LCLAT1: variants seen among roughly 807,000 people sequenced by gnomAD.
LCLAT1 encodes the protein 1-AGP acyltransferase 8.
A neutral mutation model predicts 30.7 loss-of-function variants in LCLAT1; 11 were observed. That is an observed-to-expected ratio of 0.36 (90% CI 0.23 to 0.59). LCLAT1 has a LOEUF of 0.59. Among genes scored for constraint, LCLAT1 ranks in the 20% least tolerant of loss-of-function variants. The pLI is 0.77. For missense variants in LCLAT1, 402 were observed against 458.6 expected (o/e 0.88, Z 1.13); for synonymous variants, 155 against 151.3 (o/e 1.02, Z -0.18).
intron 5 of LCLAT1, chr2:30,606,966 T>C (rs1168565208): frequency 6.6e-6 from 1 of 152,012 alleles, no homozygotes; most frequent in Non-Finnish European, 1.5e-5. Flanking sequence ...TTTATATGGC[T>C]AATAAACTTA....
intron 1 of LCLAT1, among the ~76,000 whole-genome samples, chr2:30,460,106 A>G (rs1013554586): frequency 1.3e-5 from 2 of 152,184 alleles, no homozygotes; most frequent in African/African-American, 2.4e-5. Context: ...TTTGTTTGAC[A>G]TAGGAGCTTA....
intron 5 of LCLAT1, among the ~76,000 whole-genome samples, chr2:30,610,323 G>T (rs565986160): frequency 9.2e-5 from 14 of 152,126 alleles, no homozygotes; most frequent in African/African-American, 3.4e-4. Flanking sequence ...CATGGTCTCT[G>T]TCTAATCCTG....
At chr2:30,598,803 C>G (rs568764805) in intron 5 of LCLAT1, among the ~76,000 whole-genome samples, 6 of 152,156 alleles carry the variant, frequency 3.9e-5, no homozygotes, top group Non-Finnish European at 8.8e-5. Context: ...ATAAATTTCC[C>G]TCTTAACACT....
chr2:30,506,868 T>A (rs1326418212), intron 1 of LCLAT1, among the ~76,000 whole-genome samples: 2 of 152,142 alleles, frequency 1.3e-5, no homozygotes, highest in Non-Finnish European at 2.9e-5. Context: ...AATTAGCTCA[T>A]AAATATTTCA....
intron 3 of LCLAT1, among the ~76,000 whole-genome samples, chr2:30,546,339 A>C (rs1162444377): frequency 1.3e-5 from 2 of 152,204 alleles, no homozygotes; most frequent in Non-Finnish European, 2.9e-5. Context: ...TGAAATGATT[A>C]GAATTTTATT....
At chr2:30,626,917 T>C (rs1157414941) in intron 5 of LCLAT1, among the ~76,000 whole-genome samples, 2 of 152,196 alleles carry the variant, frequency 1.3e-5, no homozygotes, top group Non-Finnish European at 2.9e-5. Flanking sequence ...TATTTTATTA[T>C]TTATTTTTAT....
intron 3 of LCLAT1, among the ~76,000 whole-genome samples, chr2:30,555,616 G>C (rs1664878013): frequency 6.6e-6 from 1 of 152,044 alleles, no homozygotes; most frequent in Non-Finnish European, 1.5e-5. Flanking sequence ...AAATTTAAAT[G>C]TAAACTAAAC....
intron 1 of LCLAT1, among the ~76,000 whole-genome samples, chr2:30,517,108 C>G (rs1441156292): frequency 6.6e-6 from 1 of 152,208 alleles, no homozygotes; most frequent in East Asian, 1.9e-4. Flanking sequence ...CCTCCTGGGT[C>G]CCAACCACCA....
At chr2:30,522,682 A>G (rs1685534238) in intron 1 of LCLAT1, among the ~76,000 whole-genome samples, 1 of 152,218 alleles carries the variant, frequency 6.6e-6, no homozygotes, top group Admixed American at 6.5e-5. Context: ...AAGGGAAGGA[A>G]TAGAAGTAGG....
intron 3 of LCLAT1, chr2:30,552,595 G>A (rs17009714): frequency 0.045 from 19,705 of 436,672 alleles, 903 homozygotes; most frequent in African/African-American, 0.16. Context: ...AAAAGCCTTC[G>A]TGGAAATTAA....
intron 5 of LCLAT1, among the ~76,000 whole-genome samples, chr2:30,632,374 T>A (rs957694578): frequency 6.6e-6 from 1 of 152,132 alleles, no homozygotes; most frequent in Admixed American, 6.6e-5. Context: ...TTAAAATGTC[T>A]AAGGAGTGAG....
intron 5 of LCLAT1, among the ~76,000 whole-genome samples, chr2:30,617,995 CA>C (rs1206353812): frequency 1.3e-5 from 2 of 152,060 alleles, no homozygotes; most frequent in African/African-American, 4.8e-5. Context: ...TTAATTTTGA[CA>C]AAGTACAGTT....
At chr2:30,557,366 G>GCAC (rs1664973783) in intron 3 of LCLAT1, among the ~76,000 whole-genome samples, 1 of 148,194 alleles carries the variant, frequency 6.7e-6, no homozygotes, top group Non-Finnish European at 1.5e-5. Flanking sequence ...TTTTTTAAAA[G>GCAC]CACCAATCAT....
chr2:30,550,308 A>G (rs1425691192), intron 3 of LCLAT1, among the ~76,000 whole-genome samples: 1 of 152,232 alleles, frequency 6.6e-6, no homozygotes, highest in African/African-American at 2.4e-5. Context: ...ATTTTGGTGC[A>G]ATACTATTAA....
At chr2:30,575,395 C>G (rs1665951713) in intron 5 of LCLAT1, among the ~76,000 whole-genome samples, 2 of 152,004 alleles carry the variant, frequency 1.3e-5, no homozygotes, top group Admixed American at 6.6e-5. Flanking sequence ...TAGTTTGGTA[C>G]AAATTTTTAA....
chr2:30,568,273 ACTTT>A, intron 5 of LCLAT1, 97 bp downstream of exon 5: 1 of 590,132 alleles, frequency 1.7e-6, no homozygotes, highest in East Asian at 2.9e-5. Context: ...ATTTTTTACT[ACTTT>A]GTCTCAAGAA....
At chr2:30,623,178 C>T (rs147830847) in intron 5 of LCLAT1, among the ~76,000 whole-genome samples, 7,137 of 151,294 alleles carry the variant, frequency 0.047, 554 homozygotes, top group African/African-American at 0.16. Flanking sequence ...CTCAGCCTCC[C>T]GAGTAGCTGG....
At position 30,595,261 on chromosome 2, in the gene LCLAT1, GT is replaced by G. The variant is rs879608950; in HGVS notation, c.628+27094del. Among the ~76,000 whole-genome samples the G allele has an allele frequency of 6.7e-3, 1,013 of 152,106 alleles. 8 individuals are homozygous for G. Among genetic ancestry groups the G allele is most frequent in the Middle Eastern group, 0.017 (5 of 294 alleles). Reference sequence around the variant, plus strand: ...CTCCTGACCACTATCCTTTGTGGGGGTTTTTTTTTCCCCCATTCCACGTCTG... The same window carrying G: ...CTCCTGACCACTATCCTTTGTGGGGGTTTTTTTTCCCCCATTCCACGTCTG... On this transcript the variant is annotated intron_variant, in intron 5 of 5. Transcript: ENST00000379509.
intron 4 of LCLAT1, among the ~76,000 whole-genome samples, chr2:30,566,774 A>G (rs1665503524): frequency 6.6e-6 from 1 of 152,168 alleles, no homozygotes; most frequent in Non-Finnish European, 1.5e-5. Context: ...ACTTTTTCCA[A>G]ATGTATTTGC....
Sources: allele counts gnomAD v4.1 joint callset (sites outside exome capture counted in the v4.1 genomes callset), GRCh38; gene constraint gnomAD v4.1.1; transcripts MANE v1.5; gene names NCBI Gene and HGNC (gene_info 2026-07-23, HGNC 2026-07-21).